EHMT1: variants seen among roughly 807,000 people sequenced by gnomAD.
EHMT1 encodes histone-lysine N-methyltransferase EHMT1.
EHMT1 carries 15 observed loss-of-function variants against 147.2 expected under a neutral mutation model. The observed-to-expected ratio is 0.10, with a 90% confidence interval of 0.07 to 0.16. The LOEUF (loss-of-function observed/expected upper bound fraction) is 0.16, where lower values mean the gene tolerates loss of function less well. Among genes scored for constraint, EHMT1 ranks in the 10% least tolerant of loss-of-function variants. The pLI is 1.00. For missense variants in EHMT1, 1,587 were observed against 1,772.4 expected, an observed-to-expected ratio of 0.90 and a Z score of 1.88; for synonymous variants, 795 against 709.6, an observed-to-expected ratio of 1.12 and a Z score of -1.91.
In EHMT1 at chr9:137,710,976, G is replaced by A. The variant is rs766154516; in HGVS notation, c.31G>A (p.Ala11Thr). Residue 11 changes from alanine to threonine, a missense_variant, in exon 2 of 27, where the codon GCG becomes ACG. Physicochemically the swap from Ala to Thr is moderately conservative, Grantham distance 58. Transcript: ENST00000460843. The part of the protein sequence containing the change: MAAADAEAVP[A>T]RGEPQQDCCV... ...TGTTTCTCTCTAACAGGCAGTTCCG[G>A]CGAGGGGGGAGCCTCAGCAGGATTG... 4 of 1,597,696 alleles carry A rather than the reference G, an allele frequency of 2.5e-6. No individual in the cohort carries two copies. In the Admixed American group the frequency reaches 5.2e-5, roughly 21 times the overall value.
chr9:137,701,462 T>C (rs1375127174), intron 1 of EHMT1, among the ~76,000 whole-genome samples: 1 of 151,614 alleles, frequency 6.6e-6, no homozygotes, highest in Admixed American at 6.6e-5. Flanking sequence ...TTTTATTTTA[T>C]TTTATTTTAT....
chr9:137,722,663 TGTGG>T (rs1016266952), intron 3 of EHMT1, among the ~76,000 whole-genome samples: 10 of 151,062 alleles, frequency 6.6e-5, no homozygotes, highest in African/African-American at 2.4e-4. Context: ...CGGCAGAGAC[TGTGG>T]GTGGGTGGGT....
chr9:137,641,867 C>T (rs1421464385), intron 1 of EHMT1, among the ~76,000 whole-genome samples: 1 of 151,970 alleles, frequency 6.6e-6, no homozygotes, highest in African/African-American at 2.4e-5. Flanking sequence ...CTCTGTCACC[C>T]AGGCTGGAGT....
chr9:137,768,662 G>T (rs1344373278), intron 10 of EHMT1, among the ~76,000 whole-genome samples: 1 of 132,946 alleles, frequency 7.5e-6, no homozygotes, highest in Admixed American at 8.5e-5. Context: ...CCATTCTCCC[G>T]CCTCAGCCTC....
At chr9:137,641,211 C>G (rs1318165984) in intron 1 of EHMT1, 2 of 418,906 alleles carry the variant, frequency 4.8e-6, no homozygotes, top group Admixed American at 6.0e-5. Flanking sequence ...TCTGGTTCCT[C>G]AGGATGCCTC....
chr9:137,802,738 C>G, intron 18 of EHMT1: 1 of 1,111,550 alleles, frequency 9.0e-7, no homozygotes, highest in Non-Finnish European at 1.1e-6. Flanking sequence ...GCACGCAGGC[C>G]TCTCTGGAGT....
At chr9:137,670,290 T>C (rs1427814034) in intron 1 of EHMT1, among the ~76,000 whole-genome samples, 1 of 152,080 alleles carries the variant, frequency 6.6e-6, no homozygotes, top group Non-Finnish European at 1.5e-5. Flanking sequence ...CTCCCTTAGA[T>C]CCTTAGTCAG....
intron 10 of EHMT1, among the ~76,000 whole-genome samples, chr9:137,765,544 G>A (rs1950157093): frequency 6.6e-6 from 1 of 152,066 alleles, no homozygotes; most frequent in Non-Finnish European, 1.5e-5. Flanking sequence ...CGTAGATCCC[G>A]AAGACCATAC....
At chr9:137,729,992 G>T (rs1039018599) in intron 4 of EHMT1, among the ~76,000 whole-genome samples, 4 of 152,208 alleles carry the variant, frequency 2.6e-5, no homozygotes, top group Non-Finnish European at 4.4e-5. Flanking sequence ...GTTGTGTCTT[G>T]CTAGTTTCCT....
intron 10 of EHMT1, among the ~76,000 whole-genome samples, chr9:137,772,867 CTT>C (rs909385034): frequency 5.9e-5 from 9 of 152,112 alleles, no homozygotes; most frequent in African/African-American, 2.2e-4. Context: ...TGTTTTATCT[CTT>C]TTTTCCCAAC....
chr9:137,646,833 T>C (rs1466583979), intron 1 of EHMT1, among the ~76,000 whole-genome samples: 1 of 152,228 alleles, frequency 6.6e-6, no homozygotes, highest in Non-Finnish European at 1.5e-5. Context: ...CTTACCTTTC[T>C]GTACCTTAAA....
intron 1 of EHMT1, among the ~76,000 whole-genome samples, chr9:137,625,832 A>G (rs989855485): frequency 4.6e-5 from 7 of 151,012 alleles, no homozygotes; most frequent in African/African-American, 2.4e-5. Flanking sequence ...GTTGTTATTT[A>G]TATATATATT....
chr9:137,710,117 C>T (rs890305812), intron 1 of EHMT1, among the ~76,000 whole-genome samples: 2 of 151,648 alleles, frequency 1.3e-5, no homozygotes, highest in African/African-American at 2.4e-5. Flanking sequence ...TTCACTTCTC[C>T]AACCAGACTC....
intron 1 of EHMT1, among the ~76,000 whole-genome samples, chr9:137,669,424 ACC>A (rs1940208928): frequency 1.2e-5 from 1 of 86,768 alleles, no homozygotes; most frequent in Admixed American, 1.7e-4. Context: ...CCACGACTGC[ACC>A]CAAGACGCCG....
chr9:137,812,623 G>C (rs1206887745), intron 19 of EHMT1, among the ~76,000 whole-genome samples: 5 of 152,286 alleles, frequency 3.3e-5, no homozygotes, highest in African/African-American at 1.2e-4. Flanking sequence ...CAGTGAGCAG[G>C]AGTGGAACTG....
intron 1 of EHMT1, among the ~76,000 whole-genome samples, chr9:137,633,751 C>G (rs1843778727): frequency 6.6e-6 from 1 of 152,040 alleles, no homozygotes; most frequent in African/African-American, 2.4e-5. Flanking sequence ...TCCTCCCTCC[C>G]CGACCCCCGA....
rs1202437743 is a variant in EHMT1, at chr9:137,811,600, G to A, written c.2852G>A (p.Arg951His). 3.1e-6 allele frequency: 5 copies of A among 1,602,342 alleles called. No homozygotes were observed. Among genetic ancestry groups the A allele is most frequent in the African/African-American group, 1.3e-5 (1 of 74,944 alleles). Residue 951 changes from arginine to histidine, a missense_variant, in exon 19 of 27, where the codon CGC becomes CAC. By Grantham distance (29) the Arg-to-His change is conservative. Transcript: ENST00000460843. ...SPLHIAAREN[R>H]YDCVVLFLSR... ...CTGCACATTGCCGCCCGGGAGAACC[G>A]CTACGACTGTGTCGTGTGAGTGCAG...
At chr9:137,690,772 A>G (rs1942865812) in intron 1 of EHMT1, among the ~76,000 whole-genome samples, 1 of 152,064 alleles carries the variant, frequency 6.6e-6, no homozygotes, top group African/African-American at 2.4e-5. Context: ...GGTCATTGTG[A>G]TCATCACTTG....
chr9:137,760,681 A>C (rs981120380), intron 9 of EHMT1, among the ~76,000 whole-genome samples: 1 of 152,212 alleles, frequency 6.6e-6, no homozygotes, highest in Admixed American at 6.5e-5. Context: ...GACAGACAGA[A>C]GCGGCTGTGG....
Sources: allele counts gnomAD v4.1 joint callset (sites outside exome capture counted in the v4.1 genomes callset), GRCh38; gene constraint gnomAD v4.1.1; transcripts MANE v1.5; gene names NCBI Gene and HGNC (gene_info 2026-07-23, HGNC 2026-07-21).